The following USP3 variants were observed in gnomAD, a reference collection of about 807,000 sequenced individuals.
The protein encoded by USP3 is ubiquitin carboxyl-terminal hydrolase 3.
A neutral mutation model predicts 72.3 loss-of-function variants in USP3; 20 were observed. That is an observed-to-expected ratio of 0.28 (90% confidence interval 0.19 to 0.40). USP3 has a LOEUF of 0.40. Among genes scored for constraint, USP3 ranks in the 10% least tolerant of loss-of-function variants. The probability of loss-of-function intolerance (pLI) is 1.00; values close to 1 mark genes in which losing one functional copy is unlikely to be tolerated. For synonymous variants in USP3, 222 were observed against 225.3 expected (o/e 0.99, Z 0.13); for missense variants, 479 against 633.9 (o/e 0.76, Z 2.62).
In USP3 at chr15:63,588,518, T is replaced by A; in HGVS notation, c.1215+95T>A. On this transcript the variant is annotated intron_variant, in intron 12 of 14. Transcript: ENST00000380324. This position sits in a 1 kb window ranked among gnomAD's most constrained non-coding sequence, Gnocchi z 4.6. Reference sequence around the variant, plus strand: ...TAACTTTACACTATGTGAACTGTTCTGTATTTTTCTCTAGGATTTTCAGTA... The same window carrying A: ...TAACTTTACACTATGTGAACTGTTCAGTATTTTTCTCTAGGATTTTCAGTA... 1 of 1,050,022 alleles carries A rather than the reference T, an allele frequency of 9.5e-7. No homozygotes were observed. Among genetic ancestry groups the A allele is most frequent in the Non-Finnish European group, 1.4e-6 (1 of 705,514 alleles). The allele number at this position is 1,050,022 out of a possible 1,614,324, so 65.0% of individuals were successfully genotyped here. A position where few individuals can be genotyped will look rare whatever the true frequency, so the allele number is the denominator to read the frequency against.
chr15:63,506,862 G>T (rs185961489), intron 1 of USP3, among the ~76,000 whole-genome samples: 8 of 152,248 alleles, frequency 5.3e-5, no homozygotes, highest in African/African-American at 1.9e-4. Context: ...AGCGAGTTTC[G>T]CAACTTTGTG....
At chr15:63,563,682 C>T (rs896085636) in intron 8 of USP3, among the ~76,000 whole-genome samples, 1 of 152,188 alleles carries the variant, frequency 6.6e-6, no homozygotes, top group Non-Finnish European at 1.5e-5. Flanking sequence ...CCTTGGCCAC[C>T]TTCTGCCGAT....
At position 63,588,556 on chromosome 15, in the gene USP3, C is replaced by A. The variant is rs2067121169; in HGVS notation, c.1215+133C>A. ...AGGATTTTCAGTAAAAGCTAAACCC[C>A]TTACAGAATGAATGCATAAGGTATG... On this transcript the variant is annotated intron_variant, in intron 12 of 14. Transcript: ENST00000380324. This position sits in a 1 kb window ranked among gnomAD's most constrained non-coding sequence, Gnocchi z 4.6. The A allele has an allele frequency of 1.5e-5, 14 of 949,992 alleles. No individual in the cohort carries two copies. The South Asian group carries it at 2.2e-4, about 15-fold the overall frequency. 58.8% of individuals were successfully genotyped at this position (949,992 alleles called of 1,614,324 possible). A position where few individuals can be genotyped will look rare whatever the true frequency, so the allele number is the denominator to read the frequency against.
chr15:63,582,113 AT>A, intron 11 of USP3, among the ~76,000 whole-genome samples: 1 of 152,148 alleles, frequency 6.6e-6, no homozygotes, highest in South Asian at 2.1e-4. Flanking sequence ...TAGTTCAGAA[AT>A]TTTATGTTTA....
chr15:63,529,073 C>T lies in USP3; in HGVS notation c.92-3574C>T, dbSNP rs1263612336. The stretch of plus-strand genomic sequence containing the variant: ...CCCTCAGAGAGTACTGTATGTTGCC[C>T]AGGCTGGCCTCGAACTCTAGGCTCA... On this transcript the variant is annotated intron_variant, in intron 1 of 14. Coordinates refer to ENST00000380324, the MANE Select transcript of USP3 (RefSeq NM_006537.4). This position sits in a 1 kb window ranked among gnomAD's most constrained non-coding sequence, Gnocchi z 4.2. The T allele has an allele frequency of 7.8e-7, 1 of 1,288,212 alleles. No individual in the cohort carries two copies. Among genetic ancestry groups the T allele is most frequent in the Admixed American group, 2.3e-5 (1 of 43,544 alleles). 79.8% of individuals were successfully genotyped at this position (1,288,212 alleles called of 1,614,324 possible).
At chr15:63,516,909 A>T (rs1487185881) in intron 1 of USP3, among the ~76,000 whole-genome samples, 2 of 150,108 alleles carry the variant, frequency 1.3e-5, no homozygotes, top group Non-Finnish European at 3.0e-5. Context: ...CCCCATACTT[A>T]TATCCCCCAA....
At chr15:63,537,671 C>T (rs1043864560) in intron 3 of USP3, among the ~76,000 whole-genome samples, 3 of 152,198 alleles carry the variant, frequency 2.0e-5, no homozygotes, top group South Asian at 2.1e-4. Context: ...GAATTTGGTA[C>T]GTAGCTTTCC....
intron 2 of USP3, among the ~76,000 whole-genome samples, chr15:63,536,541 G>A (rs1256943980): frequency 1.3e-5 from 2 of 152,074 alleles, no homozygotes; most frequent in African/African-American, 4.8e-5. Context: ...CATAGATTAT[G>A]CCTTTCCTTG....
At chr15:63,522,419 G>A (rs1039109885) in intron 1 of USP3, among the ~76,000 whole-genome samples, 1 of 152,318 alleles carries the variant, frequency 6.6e-6, no homozygotes, top group East Asian at 1.9e-4. Context: ...ATGTGCATGT[G>A]TCATACAGAT....
chr15:63,554,754 C>T (rs2066484717), intron 4 of USP3, among the ~76,000 whole-genome samples: 1 of 152,172 alleles, frequency 6.6e-6, no homozygotes, highest in African/African-American at 2.4e-5. Flanking sequence ...CATTGACTAA[C>T]TAGATGATAA....
intron 8 of USP3, among the ~76,000 whole-genome samples, chr15:63,564,207 A>C (rs1228826242): frequency 6.6e-6 from 1 of 152,164 alleles, no homozygotes; most frequent in African/African-American, 2.4e-5. Context: ...TGTGCCACCC[A>C]CTGGGTATTT....
At chr15:63,583,058 G>C (rs1000280373) in intron 11 of USP3, among the ~76,000 whole-genome samples, 2 of 152,144 alleles carry the variant, frequency 1.3e-5, no homozygotes, top group Non-Finnish European at 2.9e-5. Context: ...ATGACCCCAT[G>C]CTTCCACACA....
Position 63,559,890 on chromosome 15 carries a change from A to C in USP3, c.567A>C (p.Glu189Asp). Residue 189 changes from glutamate to aspartate, a missense_variant, in exon 7 of 15, where the codon GAA (glutamate) becomes GAC (aspartate). Glu to Asp is a conservative substitution (Grantham distance 45). Coordinates refer to ENST00000380324, the MANE Select transcript of USP3 (RefSeq NM_006537.4). Reference sequence around the variant, plus strand: ...AGCAGTTTTGCTGTTATTTCAAAGAACTGCCCGCCGTGGAGTTAAGGAATG... The same window carrying C: ...AGCAGTTTTGCTGTTATTTCAAAGACCTGCCCGCCGTGGAGTTAAGGAATG... ...NIEQFCCYFK[E>D]LPAVELRNGK... 6.2e-7 allele frequency: 1 copy of C among 1,614,004 alleles called. No homozygotes were observed. The highest frequency in any genetic ancestry group is 8.5e-7 in the Non-Finnish European group (1 of 1,179,946).
At chr15:63,507,003 T>G (rs1198059811) in intron 1 of USP3, among the ~76,000 whole-genome samples, 1 of 152,218 alleles carries the variant, frequency 6.6e-6, no homozygotes, top group Non-Finnish European at 1.5e-5. Context: ...GTCGTTTCAG[T>G]GATTAAATGA....
At position 63,588,822 on chromosome 15, in the gene USP3, T is replaced by TTACCTTTTTAGCTAAAAA; in HGVS notation, c.1329+7_1329+8insTACCTTTTTAGCTAAAAA. On this transcript the variant is annotated splice_region_variant and intron_variant, in intron 13 of 14. Coordinates refer to ENST00000380324, the MANE Select transcript of USP3 (RefSeq NM_006537.4). This position sits in a 1 kb window ranked among gnomAD's most constrained non-coding sequence, Gnocchi z 4.6. ...GAAATGCTACTTACTAGAGGTAAGG[T>TTACCTTTTTAGCTAAAAA]GGTTACCTTTTTAGCATGGTGAAAA... 1 of 1,610,898 alleles carries TTACCTTTTTAGCTAAAAA rather than the reference T, an allele frequency of 6.2e-7. No homozygotes were observed. Among genetic ancestry groups the TTACCTTTTTAGCTAAAAA allele is most frequent in the South Asian group, 1.1e-5 (1 of 90,982 alleles).
At chr15:63,580,126 G>C (rs1318788707) in intron 11 of USP3, among the ~76,000 whole-genome samples, 2 of 152,120 alleles carry the variant, frequency 1.3e-5, no homozygotes, top group Non-Finnish European at 2.9e-5. Flanking sequence ...ATTGCATTAT[G>C]TGGCAATTAA....
intron 1 of USP3, among the ~76,000 whole-genome samples, chr15:63,505,738 T>G (rs1276961099): frequency 2.0e-5 from 3 of 152,222 alleles, no homozygotes; most frequent in Non-Finnish European, 4.4e-5. Context: ...TACTTCCTGG[T>G]AGGGCCCTGG....
At chr15:63,580,916 C>G (rs2066946636) in intron 11 of USP3, among the ~76,000 whole-genome samples, 2 of 151,876 alleles carry the variant, frequency 1.3e-5, no homozygotes, top group East Asian at 3.9e-4. Context: ...TCAAGCGATT[C>G]TCCTGCCTCA....
Position 63,570,671 on chromosome 15 carries a change from GGTT to G in USP3, c.908+93_908+95del. On this transcript the variant is annotated intron_variant, in intron 9 of 14. Transcript: ENST00000380324. This position sits in a 1 kb window ranked among gnomAD's most constrained non-coding sequence, Gnocchi z 4.4. ...TTAGATTTATAACGGAAGGTAGAGG[GGTT>G]TCTTGGACATTTGCTGGAACTTTTC... 1 of 1,512,238 alleles carries G rather than the reference GGTT, an allele frequency of 6.6e-7. No individual in the cohort carries two copies. The highest frequency in any genetic ancestry group is 1.3e-5 in the South Asian group (1 of 74,502). The allele number at this position is 1,512,238 out of a possible 1,614,324, so 93.7% of individuals were successfully genotyped here.
Sources: gnomAD v4.1 joint callset for allele counts (sites outside exome capture counted in the v4.1 genomes callset) on GRCh38, gnomAD v4.1.1 for gene constraint, Gnocchi (gnomAD v3.1) non-coding constraint, MANE v1.5 for transcripts, NCBI Gene and HGNC (gene_info 2026-07-23, HGNC 2026-07-21) for gene names.